GSE1: variants seen among roughly 807,000 people sequenced by gnomAD.
GSE1 encodes the protein genetic suppressor element 1.
In GSE1, 32 loss-of-function variants were observed where a neutral mutation model predicts 112.6. The observed-to-expected ratio is 0.28, with a 90% CI of 0.21 to 0.38. The LOEUF (loss-of-function observed/expected upper bound fraction) is 0.38. Ranked by LOEUF, GSE1 falls within the 10% of genes least tolerant of loss-of-function variation. The pLI, the probability that GSE1 is intolerant of heterozygous loss-of-function variation, is 1.00. For synonymous variants in GSE1, 1,115 were observed against 735.6 expected (o/e 1.52, Z -8.35); for missense variants, 2,348 against 1,699.2 (o/e 1.38, Z -6.71).
At chr16:85,648,372 G>A (rs564254960) in intron 2 of GSE1, among the ~76,000 whole-genome samples, 180 bp from the exon 3 acceptor site, 99 of 152,158 alleles carry the variant, frequency 6.5e-4, no homozygotes, top group Non-Finnish European at 1.0e-3. Flanking sequence ...TGACCCGATC[G>A]GGCCTCAGGA....
intron 1 of GSE1, among the ~76,000 whole-genome samples, chr16:85,629,888 A>G (rs1487066681): frequency 1.3e-5 from 2 of 152,124 alleles, no homozygotes; most frequent in East Asian, 1.9e-4. Flanking sequence ...TGTGTGACCA[A>G]CTGTCCGCAG....
At chr16:85,439,684 G>C (rs1377676786) in intron 2 of GSE1, among the ~76,000 whole-genome samples, 1 of 152,134 alleles carries the variant, frequency 6.6e-6, no homozygotes, top group Non-Finnish European at 1.5e-5. Context: ...AGACATGCAT[G>C]TGCACACACA....
intron 1 of GSE1, among the ~76,000 whole-genome samples, chr16:85,178,337 G>A (rs1172143352): frequency 3.3e-5 from 5 of 152,010 alleles, no homozygotes; most frequent in South Asian, 4.2e-4. Context: ...ATGTGCTGGC[G>A]AACAGTCATT....
rs1555583169 is a variant in GSE1, at chr16:85,410,948, G to GC, written c.2464+53310dup. Among the ~76,000 whole-genome samples the GC allele has an allele frequency of 1.7e-3, 85 of 49,702 alleles. 1 individual carries two copies. Among genetic ancestry groups the GC allele is most frequent in the East Asian group, 3.4e-3 (6 of 1,744 alleles). The allele number at this position is 49,702 out of a possible 152,430, so 32.6% of individuals were successfully genotyped here. A position where few individuals can be genotyped will look rare whatever the true frequency, so the allele number is the denominator to read the frequency against. On this transcript the variant is annotated intron_variant, in intron 2 of 2. Coordinates refer to the GSE1 transcript ENST00000637419. ...GGATAATCCTCACTGTTACACTCAG[G>GC]CCCCCGGATAATCCTCACTGTTACA...
chr16:85,477,684 C>T (rs1301877848), intron 2 of GSE1, among the ~76,000 whole-genome samples: 3 of 151,698 alleles, frequency 2.0e-5, no homozygotes, highest in African/African-American at 7.3e-5. Flanking sequence ...CTTCAGCCTC[C>T]TGAGTAATTG....
chr16:85,611,503 G>A, upstream of GSE1: 5 of 984,062 alleles, frequency 5.1e-6, no homozygotes, highest in Non-Finnish European at 6.0e-6. Flanking sequence ...GCACCCCCGC[G>A]CCGTGCCAGG....
chr16:85,282,517 T>G (rs762806109), intron 1 of GSE1, among the ~76,000 whole-genome samples: 15 of 152,228 alleles, frequency 9.9e-5, no homozygotes, highest in Admixed American at 9.8e-4. Flanking sequence ...GGGCTGGAAA[T>G]TCCAGTCTCA....
chr16:85,580,956 G>A (rs956048798), intron 1 of GSE1, among the ~76,000 whole-genome samples: 5 of 152,354 alleles, frequency 3.3e-5, no homozygotes, highest in African/African-American at 1.2e-4. Context: ...CGAAGTCTGG[G>A]GTGTTTTGTT....
intron 1 of GSE1, among the ~76,000 whole-genome samples, chr16:85,217,745 C>T (rs145842607): frequency 6.6e-6 from 1 of 152,232 alleles, no homozygotes; most frequent in Non-Finnish European, 1.5e-5. Context: ...TTCCTAAGCC[C>T]TCCTGTTGCC....
Position 85,344,033 on chromosome 16 carries a change from A to C in GSE1, c.2284-13430A>C, listed in dbSNP as rs369088226. Reference sequence around the variant, plus strand: ...AGGAACATGGCTCCTTACATAACTCAGATACGTCTCCTTCAGCGGCTGTGC... The same window carrying C: ...AGGAACATGGCTCCTTACATAACTCCGATACGTCTCCTTCAGCGGCTGTGC... On this transcript the variant is annotated intron_variant, in intron 1 of 2. Coordinates refer to the GSE1 transcript ENST00000637419. 3.3e-5 allele frequency among the ~76,000 whole-genome samples: 5 copies of C among 152,228 alleles called. No homozygotes were observed. In the East Asian group the frequency reaches 5.8e-4, roughly 18 times the overall value.
intron 2 of GSE1, among the ~76,000 whole-genome samples, chr16:85,539,202 A>G (rs1451912345): frequency 6.6e-6 from 1 of 152,192 alleles, no homozygotes; most frequent in East Asian, 1.9e-4. Flanking sequence ...CCGTTTGAAC[A>G]ACAAATGCAA....
intron 2 of GSE1, among the ~76,000 whole-genome samples, chr16:85,463,694 C>T (rs1399075560): frequency 6.6e-6 from 1 of 152,204 alleles, no homozygotes; most frequent in African/African-American, 2.4e-5. Flanking sequence ...CTGGGGAGAA[C>T]TCCTGGCATC....
upstream of GSE1, among the ~76,000 whole-genome samples, chr16:85,608,829 C>T (rs978083764): frequency 6.6e-6 from 1 of 152,202 alleles, no homozygotes; most frequent in East Asian, 1.9e-4. Flanking sequence ...ATCCAGGTCC[C>T]TGATACTTAT....
At chr16:85,642,835 C>A (rs553990404) in intron 2 of GSE1, among the ~76,000 whole-genome samples, 1 of 152,172 alleles carries the variant, frequency 6.6e-6, no homozygotes, top group African/African-American at 2.4e-5. Flanking sequence ...TCTCCGGGTG[C>A]CCTGCCCTCC....
rs933024453 is a variant in GSE1, at chr16:85,419,824, C to T, written c.2464+62181C>T. On this transcript the variant is annotated intron_variant, in intron 2 of 2. Coordinates refer to the GSE1 transcript ENST00000637419. This position sits in a 1 kb window ranked among gnomAD's most constrained non-coding sequence, Gnocchi z 6.5. ...CGAGTAGGGCTTCTGCAGGGCCAGC[C>T]AGGAACTCCACAGGTGAAGTGGAGT... 2.0e-5 allele frequency among the ~76,000 whole-genome samples: 3 copies of T among 151,858 alleles called. No individual in the cohort carries two copies. Among genetic ancestry groups the T allele is most frequent in the Non-Finnish European group, 2.9e-5 (2 of 67,954 alleles).
At chr16:85,637,143 A>G (rs1191601342) in intron 2 of GSE1, among the ~76,000 whole-genome samples, 2 of 152,200 alleles carry the variant, frequency 1.3e-5, no homozygotes, top group South Asian at 2.1e-4. Flanking sequence ...GGTCACCCCT[A>G]AGAGAACCTC....
rs369628025 is a variant in GSE1 at position 85,278,301 on chromosome 16, G to A, written c.2284-79162G>A. On this transcript the variant is annotated intron_variant, in intron 1 of 2. Transcript: ENST00000637419. The stretch of plus-strand genomic sequence containing the variant: ...TCCTGAGTAGTGAGGCCACACTGGC[G>A]GGAGCCCTGGAGGTCCCTCTCCACA... Among the ~76,000 whole-genome samples the A allele has an allele frequency of 6.6e-5, 10 of 152,308 alleles. No homozygotes were observed. The East Asian group carries it at 7.7e-4, about 12-fold the overall frequency.
rs1211238571 is a variant in GSE1, at chr16:85,411,111, G to GC, written c.2464+53474dup. Among the ~76,000 whole-genome samples, 2 of 112,368 alleles carry GC rather than the reference G, an allele frequency of 1.8e-5. 1 individual carries two copies. The highest frequency in any genetic ancestry group is 1.9e-4 in the Admixed American group (2 of 10,498). The allele number at this position is 112,368 out of a possible 152,430, so 73.7% of individuals were successfully genotyped here. A position where few individuals can be genotyped will look rare whatever the true frequency, so the allele number is the denominator to read the frequency against. On this transcript the variant is annotated intron_variant, in intron 2 of 2. Coordinates refer to the GSE1 transcript ENST00000637419. ...GGATAATCCTCACTGTTACACTCAG[G>GC]CCCCCCGGATAATCCTCACCGTTAC...
intron 1 of GSE1, among the ~76,000 whole-genome samples, chr16:85,332,973 C>T (rs1238846016): frequency 6.6e-6 from 1 of 152,144 alleles, no homozygotes; most frequent in African/African-American, 2.4e-5. Context: ...ACCCCCCTTG[C>T]TCCCAGAGTG....
Sources: gnomAD v4.1 joint callset for allele counts (sites outside exome capture counted in the v4.1 genomes callset) on GRCh38, gnomAD v4.1.1 for gene constraint, Gnocchi (gnomAD v3.1) non-coding constraint, MANE v1.5 for transcripts, NCBI Gene and HGNC (gene_info 2026-07-23, HGNC 2026-07-21) for gene names.